LSM3: variants seen among roughly 807,000 people sequenced by gnomAD.
LSM3 encodes U6 snRNA-associated Sm-like protein LSm3.
LSM3 carries 14 observed loss-of-function variants against 15.4 expected under a neutral mutation model. That is an observed-to-expected ratio of 0.91 (90% CI 0.60 to 1.42). The LOEUF (loss-of-function observed/expected upper bound fraction) is 1.42. Among genes scored for constraint, LSM3 ranks in the 40% most tolerant of loss-of-function variants. The pLI is 0.00. For missense variants in LSM3, 88 were observed against 127.9 expected (o/e 0.69, Z 1.50); for synonymous variants, 46 against 45.1 (o/e 1.02, Z -0.08).
At chr3:14,195,289 G>A (rs1248232704) in intron 3 of LSM3, among the ~76,000 whole-genome samples, 1 of 152,092 alleles carries the variant, frequency 6.6e-6, no homozygotes, top group Non-Finnish European at 1.5e-5. Context: ...AGAACTCAGT[G>A]ATATGACCCT....
chr3:14,198,232 G>A lies in LSM3; in HGVS notation c.*116G>A. 1.3e-6 allele frequency: 1 copy of A among 756,046 alleles called. No individual in the cohort carries two copies. The highest frequency in any genetic ancestry group is 2.2e-6 in the Non-Finnish European group (1 of 444,996). 46.8% of individuals were successfully genotyped at this position (756,046 alleles called of 1,614,324 possible). Reference sequence around the variant, plus strand: ...ATTTTGATATTAAGAAATAATTCCGGGGATTCTTCCACTCCTGAAATGAGT... The same window carrying A: ...ATTTTGATATTAAGAAATAATTCCGAGGATTCTTCCACTCCTGAAATGAGT... On this transcript the variant is annotated 3_prime_UTR_variant, in exon 4 of 4. Transcript: ENST00000306024.
At chr3:14,186,822 TG>T (rs1697093925) in intron 3 of LSM3, among the ~76,000 whole-genome samples, 1 of 152,184 alleles carries the variant, frequency 6.6e-6, no homozygotes, top group South Asian at 2.1e-4. Context: ...TTACAGGTGA[TG>T]TGATAAAAAA....
At chr3:14,182,483 C>A (rs1029998683) in intron 2 of LSM3, among the ~76,000 whole-genome samples, 1 of 151,982 alleles carries the variant, frequency 6.6e-6, no homozygotes, top group East Asian at 1.9e-4. Flanking sequence ...TAAATACTTG[C>A]AGTAAGCATT....
At chr3:14,179,413 T>C (rs1574985787) in intron 1 of LSM3, among the ~76,000 whole-genome samples, 1 of 152,318 alleles carries the variant, frequency 6.6e-6, no homozygotes, top group East Asian at 1.9e-4. Context: ...AACAAGGAAC[T>C]GGTATGCAGA....
rs894192171 is a variant in LSM3 at position 14,180,176 on chromosome 3, C to T, written c.21+1295C>T. 1.7e-4 allele frequency among the ~76,000 whole-genome samples: 26 copies of T among 152,202 alleles called. 1 individual carries two copies. The highest frequency in any genetic ancestry group is 1.2e-3 in the Admixed American group (18 of 15,282). On this transcript the variant is annotated intron_variant, in intron 1 of 3. Coordinates refer to ENST00000306024, the MANE Select transcript of LSM3 (RefSeq NM_014463.3). ...CTAACTCTTAGCGGCTGCAACCATC[C>T]CTTCCATGTGGGTGACCCCAAGTCA...
intron 3 of LSM3, among the ~76,000 whole-genome samples, chr3:14,193,406 A>G (rs1697159060): frequency 6.6e-6 from 1 of 152,166 alleles, no homozygotes; most frequent in Non-Finnish European, 1.5e-5. Context: ...CGTCACTTTG[A>G]GGTACACCAA....
At chr3:14,180,826 T>C (rs1697029074) in intron 1 of LSM3, among the ~76,000 whole-genome samples, 1 of 66,430 alleles carries the variant, frequency 1.5e-5, no homozygotes, top group Non-Finnish European at 3.1e-5. Context: ...CTTGCCTTTT[T>C]TTTTTTTTTT....
rs1448412760 is a variant in LSM3 at position 14,200,606 on chromosome 3, A to G, written c.*2490A>G. The G allele has an allele frequency of 2.6e-5, 4 of 152,218 alleles. No individual in the cohort carries two copies. Among genetic ancestry groups the G allele is most frequent in the East Asian group, 1.9e-4 (1 of 5,194 alleles). The allele number at this position is 152,218 out of a possible 1,614,324, so 9.4% of individuals were successfully genotyped here. A position where few individuals can be genotyped will look rare whatever the true frequency, so the allele number is the denominator to read the frequency against. On this transcript the variant is annotated 3_prime_UTR_variant, in exon 4 of 4. Transcript: ENST00000306024. ...CTTGGTTGTTTTATGAGAGGCCGATATGAATTGCCATTGCCTCCCACAAAG... is the reference window on the plus strand; with the variant it reads ...CTTGGTTGTTTTATGAGAGGCCGATGTGAATTGCCATTGCCTCCCACAAAG...
chr3:14,196,039 G>A (rs147993806), intron 3 of LSM3, among the ~76,000 whole-genome samples: 101 of 149,066 alleles, frequency 6.8e-4, no homozygotes, highest in African/African-American at 2.4e-3. Flanking sequence ...TGCAAGCTCC[G>A]CCTCCCAGGT....
At chr3:14,182,668 C>T (rs1429106701) in intron 2 of LSM3, among the ~76,000 whole-genome samples, 4 of 152,168 alleles carry the variant, frequency 2.6e-5, no homozygotes, top group Non-Finnish European at 5.9e-5. Context: ...TTAAAAATAG[C>T]TAACATTTAT....
rs564611247 is a variant in LSM3, at chr3:14,195,399, TC to T, written c.229-2630del. Among the ~76,000 whole-genome samples, 707 of 150,704 alleles carry T rather than the reference TC, an allele frequency of 4.7e-3. 9 individuals carry two copies. The highest frequency in any genetic ancestry group is 0.016 in the African/African-American group (648 of 40,928). ...GCTAGCAGTTTCTGCCATAGTCTGC[TC>T]CCCCCCACCCACACTGGCAACCAGT... is the stretch of plus-strand genomic sequence containing the variant. On this transcript the variant is annotated intron_variant, in intron 3 of 3. Transcript: ENST00000306024.
At chr3:14,186,218 AAGAC>A (rs1387606468) in intron 3 of LSM3, among the ~76,000 whole-genome samples, 4 of 152,224 alleles carry the variant, frequency 2.6e-5, no homozygotes, top group African/African-American at 9.6e-5. Flanking sequence ...AAGATTTGGA[AAGAC>A]AGTTTCTGAC....
chr3:14,196,013 C>T (rs1038506204), intron 3 of LSM3, among the ~76,000 whole-genome samples: 14 of 149,062 alleles, frequency 9.4e-5, no homozygotes, highest in South Asian at 4.2e-4. Context: ...AGTGCAGTGG[C>T]GCAATCTTGG....
At chr3:14,187,806 A>C (rs932127658) in intron 3 of LSM3, among the ~76,000 whole-genome samples, 1 of 152,232 alleles carries the variant, frequency 6.6e-6, no homozygotes, top group Admixed American at 6.5e-5. Context: ...CTGCTGACTT[A>C]TAAATGGGAA....
chr3:14,193,708 G>T (rs1325920056), intron 3 of LSM3, among the ~76,000 whole-genome samples: 1 of 152,050 alleles, frequency 6.6e-6, no homozygotes, highest in Non-Finnish European at 1.5e-5. Context: ...TAGCTTCCTT[G>T]CATTGAGTTA....
In LSM3 at chr3:14,200,952, C is replaced by G. The variant is rs1450077670; in HGVS notation, c.*2836C>G. 1 of 152,224 alleles carries G rather than the reference C, an allele frequency of 6.6e-6. No homozygotes were observed. The highest frequency in any genetic ancestry group is 2.4e-5 in the African/African-American group (1 of 41,446). 9.4% of individuals were successfully genotyped at this position (152,224 alleles called of 1,614,324 possible). Reference sequence around the variant, plus strand: ...TTCGAGATCAGCCTGAGCAACATAACAAGACCCTGTCTCAAATAATACTTA... The same window carrying G: ...TTCGAGATCAGCCTGAGCAACATAAGAAGACCCTGTCTCAAATAATACTTA... On this transcript the variant is annotated 3_prime_UTR_variant, in exon 4 of 4. Coordinates refer to ENST00000306024, the MANE Select transcript of LSM3 (RefSeq NM_014463.3).
intron 3 of LSM3, among the ~76,000 whole-genome samples, chr3:14,185,476 A>T (rs999304776): frequency 6.6e-6 from 1 of 152,244 alleles, no homozygotes; most frequent in African/African-American, 2.4e-5. Flanking sequence ...ACATTTTTGC[A>T]AATCTCTTTA....
At chr3:14,194,845 A>G (rs1289611412) in intron 3 of LSM3, among the ~76,000 whole-genome samples, 1 of 133,668 alleles carries the variant, frequency 7.5e-6, no homozygotes, top group African/African-American at 2.9e-5. Context: ...TCCTTGTACT[A>G]GAGTCGCCTT....
chr3:14,180,931 A>G (rs1021377999), intron 1 of LSM3, among the ~76,000 whole-genome samples: 2 of 138,154 alleles, frequency 1.4e-5, no homozygotes, highest in Non-Finnish European at 3.0e-5. Context: ...GCTCACTGCA[A>G]CCTCCACCTC....
Sources: allele counts gnomAD v4.1 joint callset (sites outside exome capture counted in the v4.1 genomes callset), GRCh38; gene constraint gnomAD v4.1.1; transcripts MANE v1.5; gene names NCBI Gene and HGNC (gene_info 2026-07-23, HGNC 2026-07-21).